CTCFL: variants seen among roughly 807,000 people sequenced by gnomAD.
CTCFL encodes CCCTC-binding factor like, also known as transcriptional repressor CTCFL.
CTCFL carries 36 observed loss-of-function variants against 67.4 expected under a neutral mutation model. The observed-to-expected ratio is 0.53, with a 90% CI of 0.41 to 0.71. The LOEUF (loss-of-function observed/expected upper bound fraction) is 0.71. Ranked by LOEUF, CTCFL falls within the 30% of genes least tolerant of loss-of-function variation. CTCFL has a pLI of 0.00. For synonymous variants in CTCFL, 324 were observed against 302.3 expected (o/e 1.07, Z -0.75); for missense variants, 786 against 835.2 (o/e 0.94, Z 0.73).
At position 57,498,241 on chromosome 20, in the gene CTCFL, T is replaced by C; in HGVS notation, c.*309A>G. The C allele has an allele frequency of 9.7e-7, 1 of 1,034,902 alleles. No individual in the cohort carries two copies. Among genetic ancestry groups the C allele is most frequent in the Non-Finnish European group, 1.2e-6 (1 of 861,110 alleles). The allele number at this position is 1,034,902 out of a possible 1,614,324, so 64.1% of individuals were successfully genotyped here. A position where few individuals can be genotyped will look rare whatever the true frequency, so the allele number is the denominator to read the frequency against. On this transcript the variant is annotated 3_prime_UTR_variant, in exon 11 of 11. Coordinates refer to ENST00000243914, the MANE Select transcript of CTCFL (RefSeq NM_001386993.1). ...TGAATGAATCCATAGGTTTGAGGTG[T>C]TACCCTCTCATTCAAGGTTTAAAAC...
intron 5 of CTCFL, chr20:57,518,514 GGTTT>G (rs773315013): frequency 2.1e-6 from 3 of 1,409,196 alleles, no homozygotes; most frequent in Non-Finnish European, 2.8e-6. Context: ...GACCACAGAT[GGTTT>G]ATTTGTAATT....
At chr20:57,500,191 A>G in intron 10 of CTCFL, 1 of 998,800 alleles carries the variant, frequency 1.0e-6, no homozygotes, top group Non-Finnish European at 1.2e-6. Context: ...CAGGCCAGGC[A>G]CAGGGGCTCA....
chr20:57,514,815 T>G (rs553125043), intron 6 of CTCFL, 74 bp from the exon 7 acceptor site: 20,615 of 836,868 alleles, frequency 0.025, 162 homozygotes, highest in Admixed American at 0.029. Flanking sequence ...CTGAAAGTGT[T>G]TTTTTTTTTT....
Position 57,513,542 on chromosome 20 carries a change from T to C in CTCFL, c.1331-790A>G, listed in dbSNP as rs1023451558. ...GAGTGTATCACCCACTGGCATGAGATGGATATAAACCATGTTACTTTGCCA... is the reference window on the plus strand; with the variant it reads ...GAGTGTATCACCCACTGGCATGAGACGGATATAAACCATGTTACTTTGCCA... On this transcript the variant is annotated intron_variant, in intron 7 of 10. Coordinates refer to ENST00000243914, the MANE Select transcript of CTCFL (RefSeq NM_001386993.1). The C allele has an allele frequency of 5.6e-6, 6 of 1,078,798 alleles. No homozygotes were observed. In the African/African-American group the frequency reaches 8.4e-5, roughly 15 times the overall value. The allele number at this position is 1,078,798 out of a possible 1,614,324, so 66.8% of individuals were successfully genotyped here. A position where few individuals can be genotyped will look rare whatever the true frequency, so the allele number is the denominator to read the frequency against.
At chr20:57,519,521 C>A in intron 3 of CTCFL, 144 bp from the exon 4 acceptor site, 1 of 697,736 alleles carries the variant, frequency 1.4e-6, no homozygotes, top group South Asian at 1.8e-5. Flanking sequence ...CTGATCGAAG[C>A]AATTCAGGAC....
At chr20:57,515,651 T>C in intron 6 of CTCFL, 63 bp downstream of exon 6, 1 of 1,606,776 alleles carries the variant, frequency 6.2e-7, no homozygotes, top group Non-Finnish European at 8.5e-7. Context: ...AAAAGTAATT[T>C]TTTAAAGCTT....
chr20:57,523,993 G>C lies in CTCFL; in HGVS notation c.213C>G (p.Pro71=). Reference sequence around the variant, plus strand: ...GGATGTACTTCTCGCTCTCCTCCGAGGGGGCCAGCACCAGCTCCACTTCTT... The same window carrying C: ...GGATGTACTTCTCGCTCTCCTCCGACGGGGCCAGCACCAGCTCCACTTCTT... ...LEEEVELVLA[P]SEESEKYILT... The change falls in exon 2 of 11, where the codon CCC becomes CCG. Residue 71 remains proline, a synonymous_variant. Coordinates refer to ENST00000243914, the MANE Select transcript of CTCFL (RefSeq NM_001386993.1). 1 of 1,613,264 alleles carries C rather than the reference G, an allele frequency of 6.2e-7. No homozygotes were observed. The highest frequency in any genetic ancestry group is 1.3e-5 in the African/African-American group (1 of 75,042).
At chr20:57,513,252 G>C (rs924453667) in intron 7 of CTCFL, 2 of 985,150 alleles carry the variant, frequency 2.0e-6, no homozygotes, top group African/African-American at 3.5e-5. Context: ...TAATCCACTC[G>C]TTGTTAGAAG....
At chr20:57,514,501 G>C (rs529881203) in intron 7 of CTCFL, 91 bp downstream of exon 7, 13 of 1,460,602 alleles carry the variant, frequency 8.9e-6, no homozygotes, top group Non-Finnish European at 1.0e-5. Context: ...GGGCCTCCCA[G>C]TATCAGGGCC....
chr20:57,515,604 A>T, intron 6 of CTCFL, 110 bp downstream of exon 6: 1 of 1,439,282 alleles, frequency 6.9e-7, no homozygotes, highest in African/African-American at 1.4e-5. Context: ...GGCACGCAAA[A>T]ATCCACTTTT....
At chr20:57,515,892 C>T in intron 5 of CTCFL, 58 bp from the exon 6 acceptor site, 2 of 1,548,108 alleles carry the variant, frequency 1.3e-6, no homozygotes, top group Non-Finnish European at 1.8e-6. Context: ...GCAGAGTCTT[C>T]CATTAATCAG....
chr20:57,514,925 T>G (rs1387077367), intron 6 of CTCFL, 184 bp from the exon 7 acceptor site: 2 of 612,030 alleles, frequency 3.3e-6, no homozygotes, highest in Non-Finnish European at 5.7e-6. Flanking sequence ...AGTACAGCTG[T>G]GTCCATGATG....
In CTCFL at chr20:57,525,098, T is replaced by C. The variant is rs1354024409; in HGVS notation, c.-82A>G. On this transcript the variant is annotated 5_prime_UTR_variant, in exon 1 of 11. Transcript: ENST00000243914. ...TGTGGGCTCTGCCTCGTGCACCGCG[T>C]GCTGCAGCCCACAGCCGGCCGCCGC... is the stretch of plus-strand genomic sequence containing the variant. 1 of 151,676 alleles carries C rather than the reference T, an allele frequency of 6.6e-6. No individual in the cohort carries two copies. Among genetic ancestry groups the C allele is most frequent in the African/African-American group, 2.4e-5 (1 of 41,202 alleles). The allele number at this position is 151,676 out of a possible 1,614,324, so 9.4% of individuals were successfully genotyped here.
chr20:57,515,886 A>G (rs577093587), intron 5 of CTCFL, 52 bp from the exon 6 acceptor site: 1 of 1,566,868 alleles, frequency 6.4e-7, no homozygotes. Flanking sequence ...AAAATGGCAG[A>G]GTCTTCCATT....
intron 10 of CTCFL, among the ~76,000 whole-genome samples, chr20:57,501,019 TG>T (rs966900596): frequency 3.9e-5 from 6 of 152,188 alleles, no homozygotes; most frequent in African/African-American, 1.4e-4. Flanking sequence ...AGCCCGGCCT[TG>T]GGTTTCTACA....
chr20:57,498,456 C>G lies in CTCFL; in HGVS notation c.*94G>C, dbSNP rs892682297. The G allele has an allele frequency of 6.0e-6, 9 of 1,506,680 alleles. No homozygotes were observed. Among genetic ancestry groups the G allele is most frequent in the African/African-American group, 2.8e-5 (2 of 71,900 alleles). The allele number at this position is 1,506,680 out of a possible 1,614,324, so 93.3% of individuals were successfully genotyped here. On this transcript the variant is annotated 3_prime_UTR_variant, in exon 11 of 11. Coordinates refer to ENST00000243914, the MANE Select transcript of CTCFL (RefSeq NM_001386993.1). ...TGCAACCTGACTCTCTCTCACTTAT[C>G]CATCGTGTTGAGGAGCATTTCACAC... is the stretch of plus-strand genomic sequence containing the variant.
At chr20:57,496,452 T>C (rs1267072923), downstream of CTCFL, 2 of 452,306 alleles carry the variant, frequency 4.4e-6, no homozygotes, top group East Asian at 6.6e-5. Context: ...TAACACAACA[T>C]AAAATTTACC....
chr20:57,515,873 T>G, intron 5 of CTCFL, 39 bp from the exon 6 acceptor site: 1 of 1,578,952 alleles, frequency 6.3e-7, no homozygotes, highest in Non-Finnish European at 8.6e-7. Context: ...CAATAGAAAC[T>G]AAAAAATGGC....
At chr20:57,496,539 C>G (rs1022061434), downstream of CTCFL, among the ~76,000 whole-genome samples, 1 of 152,214 alleles carries the variant, frequency 6.6e-6, no homozygotes, top group Non-Finnish European at 1.5e-5. Flanking sequence ...ATCACCATGA[C>G]TGATCTCCAG....
Sources: gnomAD v4.1 joint callset for allele counts (sites outside exome capture counted in the v4.1 genomes callset) on GRCh38, gnomAD v4.1.1 for gene constraint, MANE v1.5 for transcripts, NCBI Gene and HGNC (gene_info 2026-07-23, HGNC 2026-07-21) for gene names.